ARHGEF10: variants seen among roughly 807,000 people sequenced by gnomAD.
ARHGEF10 encodes Rho guanine nucleotide exchange factor (GEF) 10.
Under a neutral mutation model 147.4 loss-of-function variants are expected in ARHGEF10, and 140 were observed. The observed-to-expected ratio is 0.95, with a 90% CI of 0.83 to 1.09. The LOEUF is 1.09. Among genes scored for constraint, ARHGEF10 ranks in the 50% least tolerant of loss-of-function variants. The probability of loss-of-function intolerance (pLI) is 0.00; values close to 1 mark genes in which losing one functional copy is unlikely to be tolerated. For synonymous variants in ARHGEF10, 902 were observed against 695.8 expected, an observed-to-expected ratio of 1.30 and a Z score of -4.67; for missense variants, 2,222 against 1,752.7, an observed-to-expected ratio of 1.27 and a Z score of -4.78.
Position 1,882,712 on chromosome 8 carries a change from C to A in ARHGEF10, c.1038C>A (p.Gly346=). Residue 346 remains glycine, a synonymous_variant, in exon 10 of 29, where the codon GGC becomes GGA. Transcript: ENST00000349830. ...GGACCAGGGCAGCCGTGAAGAGGGGCCGCTCCTTCATCAGGACCAAGTCTC... is the reference window on the plus strand; with the variant it reads ...GGACCAGGGCAGCCGTGAAGAGGGGACGCTCCTTCATCAGGACCAAGTCTC... ...LERTRAAVKR[G]RSFIRTKSLI... 8 of 1,555,840 alleles carry A rather than the reference C, an allele frequency of 5.1e-6. No homozygotes were observed. The highest frequency in any genetic ancestry group is 7.0e-6 in the Non-Finnish European group (8 of 1,149,052).
At position 1,927,750 on chromosome 8, in the gene ARHGEF10, C is replaced by G. The variant is rs7839150; in HGVS notation, c.2698-677C>G. ...CAAACATAGTGAAACCCCGTCTGTACTTTCACATAGTGAAACCCCATCTCT... is the reference window on the plus strand; with the variant it reads ...CAAACATAGTGAAACCCCGTCTGTAGTTTCACATAGTGAAACCCCATCTCT... On this transcript the variant is annotated intron_variant, in intron 23 of 28. Transcript: ENST00000349830. 6.6e-3 allele frequency among the ~76,000 whole-genome samples: 1,011 copies of G among 152,228 alleles called. 17 individuals are homozygous for G. The highest frequency in any genetic ancestry group is 0.023 in the African/African-American group (973 of 41,532).
intron 7 of ARHGEF10, chr8:1,871,112 C>CAAAAAAAAAA (rs779598908): frequency 2.7e-4 from 21 of 78,938 alleles, no homozygotes; most frequent in African/African-American, 7.0e-4. Flanking sequence ...AACTCTGTGT[C>CAAAAAAAAAA]AAAAAAAAAA....
intron 7 of ARHGEF10, chr8:1,869,860 T>C (rs1806946862): frequency 5.9e-6 from 1 of 168,578 alleles, no homozygotes; most frequent in South Asian, 1.4e-4. Context: ...AGGACGTGGC[T>C]CTTTTAACCT....
rs1452732273 is a variant in ARHGEF10, at chr8:1,849,455, C to T, written c.37+6019C>T. Among the ~76,000 whole-genome samples, 694 of 141,260 alleles carry T rather than the reference C, an allele frequency of 4.9e-3. 1 individual carries two copies. The highest frequency in any genetic ancestry group is 0.019 in the African/African-American group (653 of 34,950). 92.7% of individuals were successfully genotyped at this position (141,260 alleles called of 152,430 possible). ...AATGCTGAGGAGGGCGTGGGGCGGC[C>T]ACATGGACACAGACAGCAAATGCTG... On this transcript the variant is annotated intron_variant, in intron 2 of 28. Transcript: ENST00000349830.
chr8:1,894,578 T>G lies in ARHGEF10; in HGVS notation c.1440+6T>G. ...GCGATGTCTTCGTGGCTTCGGTAAT[T>G]AAGCTGGGACACCTGGATGTCCATG... is the stretch of plus-strand genomic sequence containing the variant. On this transcript the variant is annotated splice_donor_region_variant and intron_variant, in intron 13 of 28. Coordinates refer to ENST00000349830, the MANE Select transcript of ARHGEF10 (RefSeq NM_014629.4). The G allele has an allele frequency of 6.2e-7, 1 of 1,613,882 alleles. No homozygotes were observed. The highest frequency in any genetic ancestry group is 8.5e-7 in the Non-Finnish European group (1 of 1,179,900).
chr8:1,934,786 C>G (rs1210726151), intron 26 of ARHGEF10, among the ~76,000 whole-genome samples: 2 of 152,128 alleles, frequency 1.3e-5, no homozygotes, highest in Non-Finnish European at 2.9e-5. Context: ...TGGAGAAAGC[C>G]TCTCCAAGCA....
At position 1,888,794 on chromosome 8, in the gene ARHGEF10, G is replaced by A. The variant is rs185754612; in HGVS notation, c.1182+3087G>A. On this transcript the variant is annotated intron_variant, in intron 11 of 28. Transcript: ENST00000349830. Reference sequence around the variant, plus strand: ...GGAGACACTGAGTGGGGTGAGTATTGTGAGGAGACACTGAGTGGGGTGAGA... The same window carrying A: ...GGAGACACTGAGTGGGGTGAGTATTATGAGGAGACACTGAGTGGGGTGAGA... 8.1e-4 allele frequency among the ~76,000 whole-genome samples: 55 copies of A among 67,992 alleles called. 3 individuals are homozygous for A. The highest frequency in any genetic ancestry group is 2.0e-3 in the African/African-American group (30 of 15,100). The allele number at this position is 67,992 out of a possible 152,430, so 44.6% of individuals were successfully genotyped here. A position where few individuals can be genotyped will look rare whatever the true frequency, so the allele number is the denominator to read the frequency against.
intron 4 of ARHGEF10, among the ~76,000 whole-genome samples, chr8:1,861,001 G>T (rs936651808): frequency 6.6e-6 from 1 of 152,184 alleles, no homozygotes; most frequent in Non-Finnish European, 1.5e-5. Flanking sequence ...AGAGCCACCT[G>T]GGGCAGCACA....
At chr8:1,949,847 G>T (rs916344227) in intron 27 of ARHGEF10, among the ~76,000 whole-genome samples, 27 of 152,012 alleles carry the variant, frequency 1.8e-4, no homozygotes, top group African/African-American at 6.3e-4. Context: ...TTATGTTCCA[G>T]GCTGGGAAGA....
At chr8:1,888,101 TTTTGAGGAGACACTTAGTGGGGTGAGG>T (rs1808866655) in intron 11 of ARHGEF10, among the ~76,000 whole-genome samples, 1 of 125,240 alleles carries the variant, frequency 8.0e-6, no homozygotes, top group Non-Finnish European at 1.6e-5. Context: ...AGGGTGAATG[TTTTGAGGAGACACTTAGTGGGGTGAGG>T]GTTTGCGAGG....
intron 13 of ARHGEF10, among the ~76,000 whole-genome samples, chr8:1,895,732 C>G (rs1423324554): frequency 6.6e-6 from 1 of 152,136 alleles, no homozygotes; most frequent in East Asian, 1.9e-4. Context: ...TGCCATCCAT[C>G]CTAAAGGACT....
intron 1 of ARHGEF10, among the ~76,000 whole-genome samples, chr8:1,824,658 C>G (rs1204349900): frequency 1.6e-5 from 2 of 127,270 alleles, no homozygotes; most frequent in Admixed American, 1.6e-4. Context: ...CAGCTGTCCC[C>G]CCGCACCCCA....
intron 11 of ARHGEF10, among the ~76,000 whole-genome samples, chr8:1,890,361 C>T (rs1203942785): frequency 6.9e-6 from 1 of 145,266 alleles, no homozygotes; most frequent in Non-Finnish European, 1.5e-5. Context: ...TGAGGATACA[C>T]TGAGTTGGGT....
rs1175382284 is a variant in ARHGEF10 at position 1,882,662 on chromosome 8, G to A, written c.988G>A (p.Asp330Asn). 4 of 1,555,508 alleles carry A rather than the reference G, an allele frequency of 2.6e-6. No individual in the cohort carries two copies. Among genetic ancestry groups the A allele is most frequent in the Non-Finnish European group, 3.5e-6 (4 of 1,148,902 alleles). ...GCAGAAGCTCGTGAAGGCCGCGAAG[G>A]ACGGCACCAAGGACGGGCTGGAGAG... ...KMQKLVKAAK[D>N]GTKDGLERTR... The change falls in exon 10 of 29, where the codon GAC (aspartate) becomes AAC (asparagine). Residue 330 changes from aspartate (D) to asparagine (N), a missense_variant. Coordinates refer to ENST00000349830, the MANE Select transcript of ARHGEF10 (RefSeq NM_014629.4).
intron 24 of ARHGEF10, 100 bp downstream of exon 24, chr8:1,928,750 G>T (rs1812882697): frequency 1.5e-6 from 2 of 1,361,432 alleles, no homozygotes; most frequent in Non-Finnish European, 2.1e-6. Flanking sequence ...TTTGACTCAG[G>T]AGTAGCCCGT....
rs569174866 is a variant in ARHGEF10 at position 1,897,599 on chromosome 8, C to G, written c.1558-834C>G. On this transcript the variant is annotated intron_variant, in intron 14 of 28. Transcript: ENST00000349830. ...GGCATCGGATCGCAGTTCCCACTCT[C>G]GACAGTTGTGGGCTCTGTCCTAAGG... Among the ~76,000 whole-genome samples the G allele has an allele frequency of 7.8e-4, 113 of 145,326 alleles. 2 individuals are homozygous for G. Among genetic ancestry groups the G allele is most frequent in the East Asian group, 4.5e-3 (20 of 4,466 alleles).
chr8:1,859,877 A>C lies in ARHGEF10; in HGVS notation c.194-20A>C. On this transcript the variant is annotated intron_variant, in intron 3 of 28. Transcript: ENST00000349830. ...GCCCTTGGTGATGTGTCTGCTGACA[A>C]GTCCTTTCTGCATCCCCAGGAGGTG... 1.2e-6 allele frequency: 2 copies of C among 1,613,816 alleles called. No individual in the cohort carries two copies. Among genetic ancestry groups the C allele is most frequent in the Non-Finnish European group, 8.5e-7 (1 of 1,179,986 alleles).
chr8:1,831,102 G>A (rs922222933), intron 1 of ARHGEF10, among the ~76,000 whole-genome samples: 2 of 152,256 alleles, frequency 1.3e-5, no homozygotes, highest in East Asian at 3.9e-4. Context: ...AGAGCGGCTG[G>A]AAGGGCCACG....
At position 1,928,466 on chromosome 8, in the gene ARHGEF10, G is replaced by A. The variant is rs892945025; in HGVS notation, c.2737G>A (p.Val913Ile). Residue 913 changes from valine to isoleucine, a missense_variant, in exon 24 of 29, where the codon GTC (valine) becomes ATC (isoleucine). Physicochemically the swap from Val to Ile is conservative, Grantham distance 29. Transcript: ENST00000349830. ...CCATCAAATGGGTCAGATTGCCATCGTCTCGTTTCAAAATTCCACTCCCAA... is the reference window on the plus strand; with the variant it reads ...CCATCAAATGGGTCAGATTGCCATCATCTCGTTTCAAAATTCCACTCCCAA... ...CTHQMGQIAIVSFQNSTPKVI... is the reference protein window; with the variant it reads ...CTHQMGQIAIISFQNSTPKVI... 5 of 1,613,774 alleles carry A rather than the reference G, an allele frequency of 3.1e-6. No homozygotes were observed. Among genetic ancestry groups the A allele is most frequent in the South Asian group, 1.1e-5 (1 of 91,074 alleles).
Sources: allele counts gnomAD v4.1 joint callset (sites outside exome capture counted in the v4.1 genomes callset), GRCh38; gene constraint gnomAD v4.1.1; transcripts MANE v1.5; gene names NCBI Gene and HGNC (gene_info 2026-07-23, HGNC 2026-07-21).